DNAH1: variants seen among roughly 807,000 people sequenced by gnomAD.
DNAH1 encodes dynein axonemal heavy chain 1.
A neutral mutation model predicts 484.3 loss-of-function variants in DNAH1; 327 were observed. That is an observed-to-expected ratio of 0.68 (90% CI 0.62 to 0.74). DNAH1 has a LOEUF of 0.74. DNAH1 is among the 30% of genes least tolerant of loss of function. The pLI is 0.00. For synonymous variants in DNAH1, 2,192 were observed against 2,191.9 expected (o/e 1.00, Z 0.00); for missense variants, 5,052 against 5,546.8 (o/e 0.91, Z 2.83).
upstream of DNAH1, among the ~76,000 whole-genome samples, chr3:52,313,849 C>T (rs367651646): frequency 6.6e-6 from 1 of 152,204 alleles, no homozygotes; most frequent in Non-Finnish European, 1.5e-5. Flanking sequence ...ATGACCCCAC[C>T]GTGACACTGG....
rs1449526761 is a variant in DNAH1, at chr3:52,389,042, GCTCA to G, written c.9495+110_9495+113del. 1.4e-5 allele frequency: 18 copies of G among 1,327,612 alleles called. 1 individual carries two copies. The Middle Eastern group carries it at 8.1e-4, about 60-fold the overall frequency. 82.2% of individuals were successfully genotyped at this position (1,327,612 alleles called of 1,614,324 possible). A position where few individuals can be genotyped will look rare whatever the true frequency, so the allele number is the denominator to read the frequency against. Reference sequence around the variant, plus strand: ...ATAGGCAGCCTGCAGGTGGCTCTCCGCTCACTCAGTCATTCAACAAGCACTTAGC... The same window carrying G: ...ATAGGCAGCCTGCAGGTGGCTCTCCGCTCAGTCATTCAACAAGCACTTAGC... On this transcript the variant is annotated intron_variant, in intron 59 of 77. Coordinates refer to ENST00000420323, the MANE Select transcript of DNAH1 (RefSeq NM_015512.5).
In DNAH1 at chr3:52,394,497, C is replaced by T. The variant is rs911526178; in HGVS notation, c.10659C>T (p.Ser3553=). The T allele has an allele frequency of 6.2e-7, 1 of 1,614,036 alleles. No individual in the cohort carries two copies. Among genetic ancestry groups the T allele is most frequent in the South Asian group, 1.1e-5 (1 of 91,090 alleles). Reference sequence around the variant, plus strand: ...GGCGATACCTCCTGTCTGGGGGCTCCATCTCGATCATGACTGAGAATCCGG... The same window carrying T: ...GGCGATACCTCCTGTCTGGGGGCTCTATCTCGATCATGACTGAGAATCCGG... ...SEWRYLLSGG[S]ISIMTENPAP... The change falls in exon 67 of 78, where the codon TCC becomes TCT. Residue 3553 remains serine (S), a synonymous_variant. Coordinates refer to ENST00000420323, the MANE Select transcript of DNAH1 (RefSeq NM_015512.5).
chr3:52,314,393 C>A (rs1559478197), upstream of DNAH1, among the ~76,000 whole-genome samples: 3 of 152,186 alleles, frequency 2.0e-5, no homozygotes, highest in Admixed American at 2.0e-4. Flanking sequence ...GCATCCTGCA[C>A]CCTCAGATGG....
rs61739583 is a variant in DNAH1, at chr3:52,357,989, G to A, written c.4072G>A (p.Glu1358Lys). Residue 1358 changes from glutamate to lysine, a missense_variant, in exon 24 of 78, where the codon GAG (glutamate) becomes AAG (lysine). By Grantham distance (56) the Glu-to-Lys change is moderately conservative. This residue lies in a region of DNAH1 where 2,929 missense variants were observed against 3,409.4 expected (regional missense o/e 0.86). Transcript: ENST00000420323. ...GCAGCCACACCTGCGCAAGTGCTTCGAGAACATCGCTCGGGTGGGCAGCTG... is the reference window on the plus strand; with the variant it reads ...GCAGCCACACCTGCGCAAGTGCTTCAAGAACATCGCTCGGGTGGGCAGCTG... Reference protein sequence around the residue: ...AVQPHLRKCFENIARLLFQED... With the variant: ...AVQPHLRKCFKNIARLLFQED... 1.2e-5 allele frequency: 19 copies of A among 1,609,474 alleles called. No individual in the cohort carries two copies. In the African/African-American group the frequency reaches 1.7e-4, roughly 15 times the overall value.
In DNAH1 at chr3:52,326,241, G is replaced by A. The variant is rs758130613; in HGVS notation, c.508G>A (p.Ala170Thr). 8 of 1,613,016 alleles carry A rather than the reference G, an allele frequency of 5.0e-6. No homozygotes were observed. The East Asian group carries it at 1.6e-4, about 31-fold the overall frequency. Residue 170 changes from alanine (A) to threonine (T), a missense_variant, in exon 4 of 78, where the codon GCC becomes ACC. By Grantham distance (58) the Ala-to-Thr change is moderately conservative (BLOSUM62 0). This residue lies in a region of DNAH1 where 1,263 missense variants were observed against 1,218.8 expected (regional missense o/e 1.04). Coordinates refer to ENST00000420323, the MANE Select transcript of DNAH1 (RefSeq NM_015512.5). Reference protein sequence around the residue: ...LLAQTDFPLQAYEPKMQVPFQ... With the variant: ...LLAQTDFPLQTYEPKMQVPFQ... Reference sequence around the variant, plus strand: ...CGCCCAGACTGACTTCCCACTGCAGGCCTACGAGCCCAAGATGCAGGTGCC... The same window carrying A: ...CGCCCAGACTGACTTCCCACTGCAGACCTACGAGCCCAAGATGCAGGTGCC...
intron 11 of DNAH1, among the ~76,000 whole-genome samples, chr3:52,347,600 G>C (rs1358301960): frequency 1.3e-5 from 2 of 152,208 alleles, no homozygotes; most frequent in African/African-American, 4.8e-5. Flanking sequence ...CCTCCCTCTC[G>C]TGTGGTGCTC....
In DNAH1 at chr3:52,358,586, C is replaced by T. The variant is rs374644342; in HGVS notation, c.4115C>T (p.Thr1372Met). 12 of 1,611,842 alleles carry T rather than the reference C, an allele frequency of 7.4e-6. No individual in the cohort carries two copies. The East Asian group carries it at 8.9e-5, about 12-fold the overall frequency. Residue 1372 changes from threonine to methionine, a missense_variant, in exon 25 of 78, where the codon ACG becomes ATG. Thr to Met is a moderately conservative substitution (Grantham distance 81, BLOSUM62 -1). Coordinates refer to ENST00000420323, the MANE Select transcript of DNAH1 (RefSeq NM_015512.5). This position sits in a 1 kb window ranked among gnomAD's most constrained non-coding sequence, Gnocchi z 4.2. ...RLLFQEDLEI[T>M]HMYSAEGEEV... Reference sequence around the variant, plus strand: ...CTATTCCAGGAGGACCTGGAGATCACGCACATGTACTCAGCCGAGGGGGAG... The same window carrying T: ...CTATTCCAGGAGGACCTGGAGATCATGCACATGTACTCAGCCGAGGGGGAG...
rs1212476214 is a variant in DNAH1, at chr3:52,352,671, C to T, written c.2991C>T (p.Asn997=). 6.2e-7 allele frequency: 1 copy of T among 1,613,148 alleles called. No homozygotes were observed. Among genetic ancestry groups the T allele is most frequent in the Non-Finnish European group, 8.5e-7 (1 of 1,179,592 alleles). The stretch of plus-strand genomic sequence containing the variant: ...GCCAGCAGCTGGCCATGCTCTACAA[C>T]AACCGCGAGCGCATCTTCAGCTTGC... The part of the protein sequence containing the change: ...KDCQQLAMLY[N]NRERIFSLPI... The change falls in exon 18 of 78, where the codon AAC becomes AAT. Residue 997 remains asparagine, a synonymous_variant. Transcript: ENST00000420323.
chr3:52,329,838 A>C (rs1701478355), intron 6 of DNAH1, among the ~76,000 whole-genome samples: 1 of 151,892 alleles, frequency 6.6e-6, no homozygotes, highest in South Asian at 2.1e-4. Context: ...AAAAAAAAAA[A>C]ACAGAAACAA....
Position 52,322,759 on chromosome 3 carries a change from C to A in DNAH1, c.317C>A (p.Thr106Asn). 1 of 1,605,376 alleles carries A rather than the reference C, an allele frequency of 6.2e-7. No individual in the cohort carries two copies. Among genetic ancestry groups the A allele is most frequent in the Non-Finnish European group, 8.5e-7 (1 of 1,175,854 alleles). ...GFYSDILSPG[T>N]LDQLGEVCRG... ...TACTCCGACATCCTCAGCCCTGGAA[C>A]CTTAGATCAACTTGGGGTGAGTATG... Residue 106 changes from threonine to asparagine, a missense_variant, in exon 2 of 78, where the codon ACC (threonine) becomes AAC (asparagine). By Grantham distance (65) the Thr-to-Asn change is moderately conservative (BLOSUM62 0). Coordinates refer to ENST00000420323, the MANE Select transcript of DNAH1 (RefSeq NM_015512.5).
rs1006062487 is a variant in DNAH1, at chr3:52,381,211, C to G, written c.7609-429C>G. ...TACCTCATGGGCTCTATCAGTCGTC[C>G]CACCTCAGCGTCCTGAGTAGCTGGG... On this transcript the variant is annotated intron_variant, in intron 48 of 77. Coordinates refer to ENST00000420323, the MANE Select transcript of DNAH1 (RefSeq NM_015512.5). This position sits in a 1 kb window ranked among gnomAD's most constrained non-coding sequence, Gnocchi z 4.1. Among the ~76,000 whole-genome samples, 4 of 152,170 alleles carry G rather than the reference C, an allele frequency of 2.6e-5. No individual in the cohort carries two copies. In the East Asian group the frequency reaches 7.7e-4, roughly 29 times the overall value.
Position 52,396,484 on chromosome 3 carries a change from C to T in DNAH1, c.11376C>T (p.Asn3792=). The T allele has an allele frequency of 1.2e-6, 2 of 1,607,374 alleles. No homozygotes were observed. The highest frequency in any genetic ancestry group is 2.2e-5 in the South Asian group (2 of 89,998). ...TIEPPRGVRA[N]LLKSYSSLGE... is the part of the protein sequence containing the mutation. Reference sequence around the variant, plus strand: ...AGCCGCCACGCGGTGTCAGGGCCAACCTGCTGAAGTCCTATAGTAGCCTTG... The same window carrying T: ...AGCCGCCACGCGGTGTCAGGGCCAATCTGCTGAAGTCCTATAGTAGCCTTG... Residue 3792 remains asparagine, a synonymous_variant, in exon 71 of 78, where the codon AAC becomes AAT. Transcript: ENST00000420323.
chr3:52,346,876 G>T (rs1702166944), intron 11 of DNAH1, 106 bp downstream of exon 11: 1 of 1,258,516 alleles, frequency 7.9e-7, no homozygotes, highest in East Asian at 2.5e-5. Flanking sequence ...TCCATGCCAG[G>T]TCCCAGGCAG....
chr3:52,375,798 C>A (rs923972595), intron 45 of DNAH1, among the ~76,000 whole-genome samples, 157 bp from the exon 46 acceptor site: 2 of 152,084 alleles, frequency 1.3e-5, no homozygotes, highest in Non-Finnish European at 2.9e-5. Context: ...TCAGGAAAAG[C>A]CACAAGATAG....
Position 52,331,264 on chromosome 3 carries a change from G to T in DNAH1, c.988G>T (p.Asp330Tyr), listed in dbSNP as rs1701538924. ...GACAGACGAGAAAGGCCTGGTGCGA[G>T]ATGAGATGGGGAGGCCCATCCTGAA... is the stretch of plus-strand genomic sequence containing the variant. Reference protein sequence around the residue: ...HKTDEKGLVRDEMGRPILNAG... With the variant: ...HKTDEKGLVRYEMGRPILNAG... The change falls in exon 7 of 78, where the codon GAT becomes TAT. Residue 330 changes from aspartate (D) to tyrosine (Y), a missense_variant. Physicochemically the swap from Asp to Tyr is radical, Grantham distance 160. This residue lies in a region of DNAH1 where 1,263 missense variants were observed against 1,218.8 expected (regional missense o/e 1.04). Coordinates refer to ENST00000420323, the MANE Select transcript of DNAH1 (RefSeq NM_015512.5). 6.2e-7 allele frequency: 1 copy of T among 1,611,194 alleles called. No homozygotes were observed. Among genetic ancestry groups the T allele is most frequent in the Non-Finnish European group, 8.5e-7 (1 of 1,178,798 alleles).
intron 76 of DNAH1, 129 bp from the exon 77 acceptor site, chr3:52,399,416 A>C (rs1051615492): frequency 2.3e-5 from 22 of 969,188 alleles, no homozygotes; most frequent in African/African-American, 3.3e-5. Flanking sequence ...CCATGGGCTA[A>C]AGTGGTAGGT....
intron 8 of DNAH1, among the ~76,000 whole-genome samples, chr3:52,343,088 A>C (rs998317521): frequency 3.7e-4 from 57 of 152,288 alleles, no homozygotes; most frequent in African/African-American, 1.3e-3. Context: ...GCAGAATAGG[A>C]GGGAGCCACT....
At chr3:52,320,815 T>G (rs1448316408) in intron 1 of DNAH1, among the ~76,000 whole-genome samples, 3 of 149,624 alleles carry the variant, frequency 2.0e-5, no homozygotes, top group Non-Finnish European at 3.0e-5. Context: ...TTTTTTTTTT[T>G]TTTTTGACGG....
At chr3:52,314,865 G>A (rs1700897343), upstream of DNAH1, among the ~76,000 whole-genome samples, 1 of 152,144 alleles carries the variant, frequency 6.6e-6, no homozygotes, top group African/African-American at 2.4e-5. Flanking sequence ...GGTGGGCAGG[G>A]GATTAGGTGG....
Sources: allele counts gnomAD v4.1 joint callset (sites outside exome capture counted in the v4.1 genomes callset), GRCh38; gene constraint gnomAD v4.1.1; regional missense constraint gnomAD v4.1.1; non-coding constraint Gnocchi (gnomAD v3.1); transcripts MANE v1.5; gene names NCBI Gene and HGNC (gene_info 2026-07-23, HGNC 2026-07-21).